CYP2B6: variants seen among roughly 807,000 people sequenced by gnomAD.
CYP2B6 encodes cytochrome P450 2B6.
A neutral mutation model predicts 43.4 loss-of-function variants in CYP2B6; 35 were observed. That is an observed-to-expected ratio of 0.81 (90% confidence interval 0.62 to 1.07). The LOEUF is 1.07. Among genes scored for constraint, CYP2B6 ranks in the 50% least tolerant of loss-of-function variants. The pLI, the probability that CYP2B6 is intolerant of heterozygous loss-of-function variation, is 0.00. For synonymous variants in CYP2B6, 239 were observed against 239.2 expected (o/e 1.00, Z 0.01); for missense variants, 624 against 632.8 (o/e 0.99, Z 0.15).
chr19:40,997,060 A>G (rs1599842097), intron 1 of CYP2B6, among the ~76,000 whole-genome samples: 2 of 151,920 alleles, frequency 1.3e-5, no homozygotes, highest in Non-Finnish European at 2.9e-5. Context: ...CATCCTGGGT[A>G]CCTGCCTGCC....
intron 8 of CYP2B6, among the ~76,000 whole-genome samples, chr19:41,015,511 G>A (rs1490747105): frequency 6.6e-6 from 1 of 152,200 alleles, no homozygotes; most frequent in Non-Finnish European, 1.5e-5. Context: ...AAACACTGAA[G>A]TGAAGGGAAA....
At chr19:41,006,871 C>T (rs1360240894) in intron 3 of CYP2B6, 34 bp from the exon 4 acceptor site, 3 of 1,606,972 alleles carry the variant, frequency 1.9e-6, no homozygotes, top group Admixed American at 3.4e-5. Context: ...CCAGGCACTT[C>T]AGTCTGTGTC....
At chr19:41,014,974 A>G (rs149115556) in intron 8 of CYP2B6, among the ~76,000 whole-genome samples, 2 of 152,264 alleles carry the variant, frequency 1.3e-5, no homozygotes, top group African/African-American at 2.4e-5. Flanking sequence ...CAAATAAGGT[A>G]TCTTTAGAGG....
At position 40,997,019 on chromosome 19, in the gene CYP2B6, G is replaced by T. The variant is rs906499664; in HGVS notation, c.171+5543G>T. Among the ~76,000 whole-genome samples the T allele has an allele frequency of 5.1e-4, 77 of 152,066 alleles. 1 individual carries two copies. The highest frequency in any genetic ancestry group is 1.8e-3 in the African/African-American group (73 of 41,366). ...TGTCTGGGTATGAGCCACAGGTATA[G>T]AATTTCACTCTTCTCTGCCATCCTC... On this transcript the variant is annotated intron_variant, in intron 1 of 8. Transcript: ENST00000324071.
chr19:41,002,704 A>G (rs908118581), intron 1 of CYP2B6, among the ~76,000 whole-genome samples: 43 of 152,158 alleles, frequency 2.8e-4, no homozygotes, highest in African/African-American at 1.0e-3. Context: ...GAGAGCCACC[A>G]TGCCTGGCTA....
intron 1 of CYP2B6, among the ~76,000 whole-genome samples, chr19:40,994,989 C>T (rs1173074910): frequency 2.0e-5 from 3 of 152,014 alleles, no homozygotes; most frequent in Non-Finnish European, 4.4e-5. Context: ...AAATTATTTC[C>T]TGATTTTGGG....
chr19:40,997,763 T>C (rs1371731674), intron 1 of CYP2B6, among the ~76,000 whole-genome samples: 2 of 151,534 alleles, frequency 1.3e-5, no homozygotes, highest in Non-Finnish European at 2.9e-5. Context: ...AGCCAAGGAG[T>C]CTTATGATTA....
intron 1 of CYP2B6, among the ~76,000 whole-genome samples, chr19:40,993,186 C>T (rs1968948024): frequency 6.6e-6 from 1 of 152,178 alleles, no homozygotes; most frequent in Non-Finnish European, 1.5e-5. Context: ...GGCCTGGTAA[C>T]ATATAGTATC....
At chr19:41,009,466 GA>G in intron 5 of CYP2B6, 71 bp downstream of exon 5, 2 of 1,117,192 alleles carry the variant, frequency 1.8e-6, no homozygotes, top group Non-Finnish European at 2.5e-6. Context: ...AAGAGGGAGG[GA>G]AAAGGGGTAG....
In CYP2B6 at chr19:41,004,161, A is replaced by G. The variant is rs780098230; in HGVS notation, c.332A>G (p.Tyr111Cys). The G allele has an allele frequency of 3.4e-5, 33 of 958,204 alleles. No homozygotes were observed. The highest frequency in any genetic ancestry group is 4.4e-5 in the Non-Finnish European group (30 of 676,026). The allele number at this position is 958,204 out of a possible 1,614,324, so 59.4% of individuals were successfully genotyped here. The change falls in exon 2 of 9, where the codon TAT (tyrosine) becomes TGT (cysteine). Residue 111 changes from tyrosine to cysteine, a missense_variant and splice_region_variant. Tyr to Cys is a radical substitution (Grantham distance 194). Coordinates refer to ENST00000324071, the MANE Select transcript of CYP2B6 (RefSeq NM_000767.5). ...ATGGTCGACCCATTCTTCCGGGGATATGGTGAGAGCCTCAGAGGCACTGGG... is the reference window on the plus strand; with the variant it reads ...ATGGTCGACCCATTCTTCCGGGGATGTGGTGAGAGCCTCAGAGGCACTGGG... Reference protein sequence around the residue: ...IAMVDPFFRGYGVIFANGNRW... With the variant: ...IAMVDPFFRGCGVIFANGNRW...
intron 1 of CYP2B6, among the ~76,000 whole-genome samples, chr19:40,992,393 A>G (rs1968933588): frequency 6.6e-6 from 1 of 152,098 alleles, no homozygotes; most frequent in South Asian, 2.1e-4. Flanking sequence ...GTCTGCTCTC[A>G]GTATGGAATT....
At chr19:40,995,811 T>C (rs1872125) in intron 1 of CYP2B6, among the ~76,000 whole-genome samples, 43,970 of 152,026 alleles carry the variant, frequency 0.29, 6,929 homozygotes, top group African/African-American at 0.38. Context: ...TTGTTTGTAA[T>C]ACTGTTGCGG....
At chr19:41,016,433 A>AAAAGAGAG (rs1568564700) in intron 8 of CYP2B6, among the ~76,000 whole-genome samples, 2 of 99,004 alleles carry the variant, frequency 2.0e-5, no homozygotes, top group African/African-American at 4.2e-5. Flanking sequence ...AAAAAAAAAA[A>AAAAGAGAG]AGAGAGAGAG....
chr19:41,001,647 T>C (rs1344994827), intron 1 of CYP2B6, among the ~76,000 whole-genome samples: 6 of 152,148 alleles, frequency 3.9e-5, no homozygotes, highest in Non-Finnish European at 4.4e-5. Flanking sequence ...TAAGTGCTCA[T>C]TAAATGGCAA....
chr19:41,008,017 A>G (rs1461914815), intron 4 of CYP2B6, among the ~76,000 whole-genome samples: 1 of 150,760 alleles, frequency 6.6e-6, no homozygotes, highest in Non-Finnish European at 1.5e-5. Context: ...AAGGAACAGC[A>G]TTTCTTCATT....
rs35039672 is a variant in CYP2B6 at position 41,006,325 on chromosome 19, A to ATTT, written c.485-563_485-561dup. Among the ~76,000 whole-genome samples, 1,032 of 118,492 alleles carry ATTT rather than the reference A, an allele frequency of 8.7e-3. 39 individuals are homozygous for ATTT. The highest frequency in any genetic ancestry group is 0.023 in the African/African-American group (689 of 30,386). 77.7% of individuals were successfully genotyped at this position (118,492 alleles called of 152,430 possible). A position where few individuals can be genotyped will look rare whatever the true frequency, so the allele number is the denominator to read the frequency against. ...GGCATGTGCCACCATGTCTAGCTAC[A>ATTT]TTTTTTTTTTTTTTTTTTTGTAGAG... On this transcript the variant is annotated intron_variant, in intron 3 of 8. Coordinates refer to ENST00000324071, the MANE Select transcript of CYP2B6 (RefSeq NM_000767.5).
intron 3 of CYP2B6, among the ~76,000 whole-genome samples, chr19:41,006,346 T>G (rs1443670932): frequency 3.6e-5 from 5 of 139,664 alleles, no homozygotes; most frequent in African/African-American, 1.1e-4. Context: ...TTTTTTTTTG[T>G]AGAGACAGGG....
At chr19:40,992,814 C>T (rs983107505) in intron 1 of CYP2B6, among the ~76,000 whole-genome samples, 5 of 152,046 alleles carry the variant, frequency 3.3e-5, no homozygotes, top group African/African-American at 1.2e-4. Context: ...GCCACCGCAC[C>T]CGGCCAAGAC....
At chr19:40,997,828 G>A (rs920610567) in intron 1 of CYP2B6, among the ~76,000 whole-genome samples, 1 of 149,716 alleles carries the variant, frequency 6.7e-6, no homozygotes, top group Non-Finnish European at 1.5e-5. Context: ...TCAAAGAGGT[G>A]GTGGCTTATA....
Sources: gnomAD v4.1 joint callset for allele counts (sites outside exome capture counted in the v4.1 genomes callset) on GRCh38, gnomAD v4.1.1 for gene constraint, MANE v1.5 for transcripts, NCBI Gene and HGNC (gene_info 2026-07-23, HGNC 2026-07-21) for gene names.